Variants in LAMC3 observed in about 807,000 individuals in gnomAD.
The protein encoded by LAMC3 is laminin subunit gamma-3.
Under a neutral mutation model 173.8 loss-of-function variants are expected in LAMC3, and 128 were observed. That is an observed-to-expected ratio of 0.74 (90% confidence interval 0.64 to 0.85). The LOEUF (loss-of-function observed/expected upper bound fraction) is 0.85, where lower values mean the gene tolerates loss of function less well. Among genes scored for constraint, LAMC3 ranks in the 40% least tolerant of loss-of-function variants. LAMC3 has a pLI of 0.00. For synonymous variants in LAMC3, 897 were observed against 909.1 expected, an observed-to-expected ratio of 0.99 and a Z score of 0.24; for missense variants, 2,022 against 2,156.0, an observed-to-expected ratio of 0.94 and a Z score of 1.23.
At position 131,039,141 on chromosome 9, in the gene LAMC3, C is replaced by G. The variant is rs1051684079; in HGVS notation, c.1176C>G (p.His392Gln). 1.2e-6 allele frequency: 2 copies of G among 1,611,494 alleles called. No individual in the cohort carries two copies. The highest frequency in any genetic ancestry group is 1.7e-6 in the Non-Finnish European group (2 of 1,180,024). ...PCDCQSAGSL[H>Q]LQCDDTGTCA... The stretch of plus-strand genomic sequence containing the variant: ...CCCTTCCTCTCCCAGGCTCCCTACA[C>G]CTCCAGTGCGATGACACAGGCACCT... Residue 392 changes from histidine to glutamine, a missense_variant, in exon 6 of 28, where the codon CAC (histidine) becomes CAG (glutamine). Coordinates refer to ENST00000361069, the MANE Select transcript of LAMC3 (RefSeq NM_006059.4).
At chr9:131,034,997 C>G (rs1240920832) in intron 3 of LAMC3, among the ~76,000 whole-genome samples, 2 of 152,178 alleles carry the variant, frequency 1.3e-5, no homozygotes, top group Non-Finnish European at 2.9e-5. Context: ...GTTGCCCAGG[C>G]TGGAGTGCAA....
chr9:131,064,758 G>T (rs956700877), intron 13 of LAMC3, among the ~76,000 whole-genome samples: 1 of 151,960 alleles, frequency 6.6e-6, no homozygotes. Context: ...GTGAGCAGCC[G>T]GGCGTGGTGG....
At chr9:131,033,749 G>A (rs559149247) in intron 3 of LAMC3, among the ~76,000 whole-genome samples, 30 of 152,280 alleles carry the variant, frequency 2.0e-4, no homozygotes, top group East Asian at 1.9e-3. Context: ...TGTGGGGCGC[G>A]TGGGTCTGAA....
intron 1 of LAMC3, among the ~76,000 whole-genome samples, chr9:131,018,229 C>T (rs1046649920): frequency 4.7e-5 from 7 of 150,478 alleles, no homozygotes; most frequent in Admixed American, 2.0e-4. Context: ...CTGCCTCCTA[C>T]GTTCGAGCGA....
At chr9:131,083,102 GA>G (rs1309068511) in intron 24 of LAMC3, among the ~76,000 whole-genome samples, 5 of 152,308 alleles carry the variant, frequency 3.3e-5, no homozygotes, top group South Asian at 2.1e-4. Context: ...TATAATGATG[GA>G]ATGTTAGGAT....
chr9:131,087,337 T>G, intron 25 of LAMC3, 139 bp from the exon 26 acceptor site: 1 of 1,109,302 alleles, frequency 9.0e-7, no homozygotes, highest in Non-Finnish European at 1.4e-6. Flanking sequence ...ATTCAGTACA[T>G]ATTTGTTGCG....
intron 11 of LAMC3, among the ~76,000 whole-genome samples, chr9:131,054,782 G>A (rs1834368570): frequency 6.9e-6 from 1 of 145,734 alleles, no homozygotes; most frequent in Admixed American, 6.7e-5. Flanking sequence ...GGGGAAGGGA[G>A]GGGGAGAAAG....
chr9:131,046,393 AG>A (rs1834159911), intron 8 of LAMC3, among the ~76,000 whole-genome samples: 1 of 149,920 alleles, frequency 6.7e-6, no homozygotes, highest in Admixed American at 6.7e-5. Flanking sequence ...TTCTAAAGAC[AG>A]GGTTTTGCCA....
rs535331935 is a variant in LAMC3 at position 131,049,068 on chromosome 9, C to G, written c.1568C>G (p.Pro523Arg). The change falls in exon 9 of 28, where the codon CCA becomes CGA. Residue 523 changes from proline (P) to arginine (R), a missense_variant. Coordinates refer to ENST00000361069, the MANE Select transcript of LAMC3 (RefSeq NM_006059.4). Reference protein sequence around the residue: ...ARSVGGSEHPPQWSPNGVLLS... With the variant: ...ARSVGGSEHPRQWSPNGVLLS... ...AGTGTGGGGGGCTCTGAGCACCCCC[C>G]ACAATGGAGCCCAAATGGGGTCCTC... 3.2e-6 allele frequency: 5 copies of G among 1,552,172 alleles called. No homozygotes were observed. The African/African-American group carries it at 4.1e-5, about 13-fold the overall frequency.
Position 131,061,361 on chromosome 9 carries a change from C to T in LAMC3, c.2347+138C>T, listed in dbSNP as rs1188287323. ...GAGAGCCCAGCTTACGGGCAGCAGG[C>T]ATGACCTCTGAGGACACGGAATCCC... On this transcript the variant is annotated intron_variant, in intron 13 of 27. Transcript: ENST00000361069. The T allele has an allele frequency of 1.3e-5, 9 of 708,084 alleles. 1 individual carries two copies. Among genetic ancestry groups the T allele is most frequent in the African/African-American group, 8.9e-5 (5 of 56,372 alleles). The allele number at this position is 708,084 out of a possible 1,614,324, so 43.9% of individuals were successfully genotyped here.
At chr9:131,071,793 A>G (rs7875478) in intron 18 of LAMC3, among the ~76,000 whole-genome samples, 168 bp downstream of exon 18, 2 of 152,022 alleles carry the variant, frequency 1.3e-5, no homozygotes, top group Non-Finnish European at 2.9e-5. Flanking sequence ...CCTTGTCACC[A>G]TGCCTCTGCC....
At chr9:131,011,237 A>G (rs1833411004) in intron 1 of LAMC3, among the ~76,000 whole-genome samples, 1 of 152,208 alleles carries the variant, frequency 6.6e-6, no homozygotes, top group East Asian at 1.9e-4. Context: ...AAAAATGTTC[A>G]ATTCCCAAAC....
intron 27 of LAMC3, among the ~76,000 whole-genome samples, chr9:131,090,608 G>C (rs2133356765): frequency 6.6e-6 from 1 of 152,286 alleles, no homozygotes; most frequent in Middle Eastern, 3.4e-3. Context: ...CAGCCACTTG[G>C]GGCTGGGCAT....
At chr9:131,025,917 A>G (rs932902931) in intron 1 of LAMC3, among the ~76,000 whole-genome samples, 5 of 152,172 alleles carry the variant, frequency 3.3e-5, no homozygotes, top group Admixed American at 1.3e-4. Flanking sequence ...GTTGGGGTGT[A>G]GTAAAAGAAA....
At chr9:131,087,329 T>A in intron 25 of LAMC3, 147 bp from the exon 26 acceptor site, 1 of 1,041,862 alleles carries the variant, frequency 9.6e-7, no homozygotes, top group Non-Finnish European at 1.5e-6. Flanking sequence ...TAGCCTGCAT[T>A]CAGTACATAT....
intron 10 of LAMC3, 25 bp downstream of exon 10, chr9:131,052,708 A>C: frequency 6.2e-7 from 1 of 1,602,716 alleles, no homozygotes; most frequent in East Asian, 2.2e-5. Flanking sequence ...CTGTCCTGAG[A>C]GATGGGGAGG....
Position 131,039,114 on chromosome 9 carries a change from T to G in LAMC3, c.1166-17T>G, listed in dbSNP as rs1354417420. On this transcript the variant is annotated splice_polypyrimidine_tract_variant and intron_variant, in intron 5 of 27. Transcript: ENST00000361069. ...CCCTTTCCTGGCCTCAATTGCCCTG[T>G]GCCCTTCCTCTCCCAGGCTCCCTAC... The G allele has an allele frequency of 6.2e-7, 1 of 1,611,760 alleles. No homozygotes were observed. Among genetic ancestry groups the G allele is most frequent in the East Asian group, 2.2e-5 (1 of 44,870 alleles).
chr9:131,037,377 A>G (rs11794455), intron 4 of LAMC3, among the ~76,000 whole-genome samples: 1 of 152,068 alleles, frequency 6.6e-6, no homozygotes, highest in East Asian at 1.9e-4. Context: ...CCTCATCCAC[A>G]TCGCTCCAGT....
rs1242226503 is a variant in LAMC3, at chr9:131,072,822, T to C, written c.3404T>C (p.Ile1135Thr). The change falls in exon 19 of 28, where the codon ATT becomes ACT. Residue 1135 changes from isoleucine to threonine, a missense_variant. Ile to Thr is a moderately conservative substitution (Grantham distance 89, BLOSUM62 -1). Coordinates refer to ENST00000361069, the MANE Select transcript of LAMC3 (RefSeq NM_006059.4). Reference protein sequence around the residue: ...SEEEILHAAAILASLEIPQEG... With the variant: ...SEEEILHAAATLASLEIPQEG... ...GAGGAGATTCTGCATGCAGCTGCCA[T>C]TCTCGCGTCTCTGGTATCCCAGGGG... 1 of 1,611,408 alleles carries C rather than the reference T, an allele frequency of 6.2e-7. No homozygotes were observed. Among genetic ancestry groups the C allele is most frequent in the Non-Finnish European group, 8.5e-7 (1 of 1,178,968 alleles).
Sources: allele counts gnomAD v4.1 joint callset (sites outside exome capture counted in the v4.1 genomes callset), GRCh38; gene constraint gnomAD v4.1.1; transcripts MANE v1.5; gene names NCBI Gene and HGNC (gene_info 2026-07-23, HGNC 2026-07-21).